MORF4L1: variants seen among roughly 807,000 people sequenced by gnomAD.
The protein encoded by MORF4L1 is mortality factor 4-like protein 1.
A neutral mutation model predicts 52.9 loss-of-function variants in MORF4L1; 4 were observed. The observed-to-expected ratio is 0.08, with a 90% CI of 0.04 to 0.17. The LOEUF (loss-of-function observed/expected upper bound fraction) is 0.17, where lower values mean the gene tolerates loss of function less well. Ranked by LOEUF, MORF4L1 falls within the 10% of genes least tolerant of loss-of-function variation. The pLI, the probability that MORF4L1 is intolerant of heterozygous loss-of-function variation, is 1.00. For missense variants in MORF4L1, 214 were observed against 390.4 expected, an observed-to-expected ratio of 0.55 and a Z score of 3.81; for synonymous variants, 123 against 134.8, an observed-to-expected ratio of 0.91 and a Z score of 0.61.
At chr15:78,889,451 T>A (rs1180298809) in intron 5 of MORF4L1, among the ~76,000 whole-genome samples, 1 of 152,166 alleles carries the variant, frequency 6.6e-6, no homozygotes, top group Non-Finnish European at 1.5e-5. Context: ...CTCAGAAAAT[T>A]GGGATTTTTG....
chr15:78,894,202 T>C lies in MORF4L1; in HGVS notation c.774T>C (p.Tyr258=), dbSNP rs1305293572. 6.2e-7 allele frequency: 1 copy of C among 1,612,644 alleles called. No homozygotes were observed. The highest frequency in any genetic ancestry group is 1.7e-5 in the Admixed American group (1 of 59,640). The change falls in exon 10 of 12, where the codon TAT becomes TAC. Residue 258 remains tyrosine, a synonymous_variant. Coordinates refer to ENST00000426013, the MANE Select transcript of MORF4L1 (RefSeq NM_006791.4). ...DHPDAPMSQV[Y]GAPHLLRLFV... ...CCGATGCACCCATGTCCCAGGTGTA[T>C]GGAGCGCCACATCTCCTGAGATTAT...
chr15:78,876,232 G>T (rs139765896), intron 1 of MORF4L1, among the ~76,000 whole-genome samples: 1 of 151,774 alleles, frequency 6.6e-6, no homozygotes, highest in African/African-American at 2.4e-5. Context: ...CACCGCGCCC[G>T]GCCGAGAAAT....
At chr15:78,879,029 C>G (rs917124535) in intron 2 of MORF4L1, among the ~76,000 whole-genome samples, 3 of 146,244 alleles carry the variant, frequency 2.1e-5, no homozygotes, top group African/African-American at 7.9e-5. Context: ...TAGCCATTTT[C>G]ACTACTTTTT....
intron 4 of MORF4L1, 147 bp downstream of exon 4, chr15:78,886,374 C>A: frequency 1.4e-6 from 1 of 692,426 alleles, no homozygotes; most frequent in Middle Eastern, 2.6e-4. Context: ...GCTTTGACTT[C>A]AAGCGATCAA....
chr15:78,894,136 A>G lies in MORF4L1; in HGVS notation c.708A>G (p.Lys236=), dbSNP rs200332924. ...NVMLGTQLLY[K]FERPQYAEIL... ...TGTTGGGTACCCAGCTACTCTATAA[A>G]TTTGAGAGACCACAGTATGCTGAAA... is the stretch of plus-strand genomic sequence containing the variant. The change falls in exon 10 of 12, where the codon AAA becomes AAG. Residue 236 remains lysine (K), a synonymous_variant. Transcript: ENST00000426013. 1.9e-6 allele frequency: 3 copies of G among 1,614,000 alleles called. No individual in the cohort carries two copies. Among genetic ancestry groups the G allele is most frequent in the East Asian group, 2.2e-5 (1 of 44,848 alleles).
intron 1 of MORF4L1, among the ~76,000 whole-genome samples, chr15:78,877,359 A>G (rs2056514688): frequency 6.6e-6 from 1 of 152,066 alleles, no homozygotes; most frequent in South Asian, 2.1e-4. Flanking sequence ...ACCTCAGGTG[A>G]TCCAGCCACC....
chr15:78,893,551 C>T lies in MORF4L1; in HGVS notation c.553C>T (p.Pro185Ser). The change falls in exon 9 of 12, where the codon CCT becomes TCT. Residue 185 changes from proline to serine, a missense_variant. By Grantham distance (74) the Pro-to-Ser change is moderately conservative. Coordinates refer to ENST00000426013, the MANE Select transcript of MORF4L1 (RefSeq NM_006791.4). ...ITRQKQLFYL[P>S]AKKNVDSILE... ...TTTGTCTTCATAGCTCTTTTATCTT[C>T]CTGCCAAGAAGAATGTGGATTCCAT... 1 of 1,604,248 alleles carries T rather than the reference C, an allele frequency of 6.2e-7. No individual in the cohort carries two copies. Among genetic ancestry groups the T allele is most frequent in the Non-Finnish European group, 8.5e-7 (1 of 1,172,534 alleles).
chr15:78,885,756 A>G (rs1338032528), intron 3 of MORF4L1, among the ~76,000 whole-genome samples: 3 of 152,226 alleles, frequency 2.0e-5, no homozygotes, highest in Non-Finnish European at 4.4e-5. Context: ...GTCATTACAC[A>G]CAGCTGGTTT....
chr15:78,881,286 CAG>C (rs946382887), intron 3 of MORF4L1, among the ~76,000 whole-genome samples: 106 of 147,336 alleles, frequency 7.2e-4, no homozygotes, highest in Non-Finnish European at 6.2e-4. Context: ...ACCTCCGCCT[CAG>C]GGGTTCAGGT....
intron 4 of MORF4L1, among the ~76,000 whole-genome samples, chr15:78,886,685 G>C (rs1453680447): frequency 2.0e-5 from 3 of 152,218 alleles, no homozygotes; most frequent in Admixed American, 2.0e-4. Flanking sequence ...GCTGGGCGCA[G>C]TGGCTCACGC....
At chr15:78,885,068 C>A (rs781321108) in intron 3 of MORF4L1, 4 of 1,611,210 alleles carry the variant, frequency 2.5e-6, no homozygotes, top group Non-Finnish European at 2.5e-6. Flanking sequence ...GTACACCACC[C>A]CCTCCTGACC....
intron 1 of MORF4L1, 93 bp downstream of exon 1, chr15:78,873,150 G>T: frequency 6.5e-7 from 1 of 1,541,696 alleles, no homozygotes; most frequent in Non-Finnish European, 8.7e-7. Context: ...GGGGCGGCGC[G>T]GGCTGCGCCC....
rs567893289 is a variant in MORF4L1, at chr15:78,887,156, T to C, written c.243-113T>C. The C allele has an allele frequency of 9.3e-4, 799 of 854,980 alleles. 11 individuals are homozygous for C. In the South Asian group the frequency reaches 0.012, roughly 12 times the overall value. 53.0% of individuals were successfully genotyped at this position (854,980 alleles called of 1,614,324 possible). On this transcript the variant is annotated intron_variant, in intron 4 of 11. Transcript: ENST00000426013. ...TGTGGAAATATCTCTGTCCAACTTG[T>C]TAAAAACTTGTTGCCAGAATTTGAA...
At chr15:78,884,070 G>T (rs1482583066) in intron 3 of MORF4L1, among the ~76,000 whole-genome samples, 1 of 151,898 alleles carries the variant, frequency 6.6e-6, no homozygotes, top group Admixed American at 6.6e-5. Flanking sequence ...CAGGTGTGGT[G>T]GTTCATGCCT....
At chr15:78,888,605 TAAAAG>T (rs923190918) in intron 5 of MORF4L1, among the ~76,000 whole-genome samples, 2 of 152,042 alleles carry the variant, frequency 1.3e-5, no homozygotes, top group African/African-American at 4.8e-5. Context: ...TTTTTCTACT[TAAAAG>T]TAAGGTGTTA....
intron 3 of MORF4L1, among the ~76,000 whole-genome samples, chr15:78,883,193 C>A (rs184012366): frequency 7.5e-6 from 1 of 133,578 alleles, no homozygotes; most frequent in Non-Finnish European, 1.6e-5. Context: ...CTAGCCTAGG[C>A]GACAGAGTGA....
chr15:78,891,364 A>G, intron 6 of MORF4L1, 120 bp from the exon 7 acceptor site: 1 of 767,216 alleles, frequency 1.3e-6, no homozygotes, highest in Non-Finnish European at 2.2e-6. Context: ...TTTAACTTAG[A>G]TTGAGGTAAC....
chr15:78,889,370 G>A lies in MORF4L1; in HGVS notation c.324-1619G>A, dbSNP rs111837462. Among the ~76,000 whole-genome samples, 1,255 of 152,274 alleles carry A rather than the reference G, an allele frequency of 8.2e-3. 20 individuals carry two copies. Among genetic ancestry groups the A allele is most frequent in the African/African-American group, 0.029 (1,215 of 41,558 alleles). ...TTTTTTTGGATTTTGAAATGTTTGC[G>A]TTATACTTACCTGTTGAACATCCCA... On this transcript the variant is annotated intron_variant, in intron 5 of 11. Transcript: ENST00000426013.
At chr15:78,876,525 C>T (rs754235004) in intron 1 of MORF4L1, 11 of 455,854 alleles carry the variant, frequency 2.4e-5, no homozygotes, top group South Asian at 1.7e-4. Flanking sequence ...GAATGGAGGT[C>T]ACAGGGCCTC....
Sources: allele counts gnomAD v4.1 joint callset (sites outside exome capture counted in the v4.1 genomes callset), GRCh38; gene constraint gnomAD v4.1.1; transcripts MANE v1.5; gene names NCBI Gene and HGNC (gene_info 2026-07-23, HGNC 2026-07-21).